Variants in GALR1 observed in about 807,000 individuals in gnomAD.
The protein encoded by GALR1 is galanin receptor 1.
A neutral mutation model predicts 17.9 loss-of-function variants in GALR1; 11 were observed. The ratio of observed to expected loss-of-function variants is 0.62; its 90% CI spans 0.39 to 1.02. The LOEUF is 1.02. Ranked by LOEUF, GALR1 falls within the 50% of genes least tolerant of loss-of-function variation. GALR1 has a pLI of 0.01. For synonymous variants in GALR1, 206 were observed against 205.7 expected (o/e 1.00, Z -0.01); for missense variants, 441 against 456.9 (o/e 0.97, Z 0.32).
Position 77,274,336 on chromosome 18 carries a change from C to G in GALR1, c.*5434C>G, listed in dbSNP as rs1913115915. The G allele has an allele frequency of 6.6e-6, 1 of 152,212 alleles. No homozygotes were observed. Among genetic ancestry groups the G allele is most frequent in the Non-Finnish European group, 1.5e-5 (1 of 68,148 alleles). 9.4% of individuals were successfully genotyped at this position (152,212 alleles called of 1,614,324 possible). ...TCAAAGTAGGCAGACATCCAAAAGC[C>G]AAGTGAAGGGCAGATAGATCCCCAG... On this transcript the variant is annotated 3_prime_UTR_variant, in exon 3 of 3. Coordinates refer to ENST00000299727, the MANE Select transcript of GALR1 (RefSeq NM_001480.4).
chr18:77,268,553 C>CTCT lies in GALR1; in HGVS notation c.733-30_733-29insTTC, dbSNP rs754548414. ...TCTTCTCCCTTACCGCCTCCTCCTCCTCCTCCTCCTCCTCCTCTTCTTCTT... is the reference window on the plus strand; with the variant it reads ...TCTTCTCCCTTACCGCCTCCTCCTCCTCTTCCTCCTCCTCCTCCTCTTCTTCTT... On this transcript the variant is annotated intron_variant, in intron 2 of 2. Transcript: ENST00000299727. The CTCT allele has an allele frequency of 5.2e-6, 8 of 1,529,398 alleles. No homozygotes were observed. The South Asian group carries it at 9.4e-5, about 18-fold the overall frequency. The allele number at this position is 1,529,398 out of a possible 1,614,324, so 94.7% of individuals were successfully genotyped here. A position where few individuals can be genotyped will look rare whatever the true frequency, so the allele number is the denominator to read the frequency against.
intron 2 of GALR1, among the ~76,000 whole-genome samples, chr18:77,260,383 C>T (rs746119991): frequency 2.0e-5 from 3 of 151,978 alleles, no homozygotes; most frequent in African/African-American, 2.4e-5. Context: ...GGGCACTAGT[C>T]TCTGTGTCCT....
chr18:77,259,883 T>G (rs1216982639), intron 2 of GALR1, among the ~76,000 whole-genome samples: 1 of 151,838 alleles, frequency 6.6e-6, no homozygotes, highest in Non-Finnish European at 1.5e-5. Context: ...AAAGCAAGAA[T>G]ACATGGCAAC....
rs1190085504 is a variant in GALR1, at chr18:77,256,297, C to T, written c.732+74C>T. The T allele has an allele frequency of 4.8e-6, 4 of 830,820 alleles. No individual in the cohort carries two copies. The African/African-American group carries it at 6.8e-5, about 14-fold the overall frequency. The allele number at this position is 830,820 out of a possible 1,614,324, so 51.5% of individuals were successfully genotyped here. A position where few individuals can be genotyped will look rare whatever the true frequency, so the allele number is the denominator to read the frequency against. ...TACCTTTGTTTTTTTTACTTGTCCT[C>T]ACGTCCATCCAAAGCCTGTAACATT... is the stretch of plus-strand genomic sequence containing the variant. On this transcript the variant is annotated intron_variant, in intron 2 of 2. Coordinates refer to ENST00000299727, the MANE Select transcript of GALR1 (RefSeq NM_001480.4).
chr18:77,268,873 C>A lies in GALR1; in HGVS notation c.1021C>A (p.Pro341Thr), dbSNP rs113010483. The change falls in exon 3 of 3, where the codon CCA becomes ACA. Residue 341 changes from proline (P) to threonine (T), a missense_variant. By Grantham distance (38) the Pro-to-Thr change is conservative. Transcript: ENST00000299727. The stretch of plus-strand genomic sequence containing the variant: ...AGAAAGTAAAAGTCGAATAGACACC[C>A]CACCATCAACCAATTGTACTCATGT... Reference protein sequence around the residue: ...TKESKSRIDTPPSTNCTHV With the variant: ...TKESKSRIDTTPSTNCTHV 3 of 1,612,334 alleles carry A rather than the reference C, an allele frequency of 1.9e-6. No individual in the cohort carries two copies. Among genetic ancestry groups the A allele is most frequent in the African/African-American group, 2.7e-5 (2 of 74,872 alleles).
chr18:77,251,280 C>T, intron 1 of GALR1, 66 bp downstream of exon 1: 2 of 1,530,980 alleles, frequency 1.3e-6, no homozygotes, highest in Admixed American at 2.0e-5. Flanking sequence ...GCCCTGGGGT[C>T]TCAGTGTCCC....
chr18:77,271,262 C>T lies in GALR1; in HGVS notation c.*2360C>T, dbSNP rs903322251. On this transcript the variant is annotated 3_prime_UTR_variant, in exon 3 of 3. Transcript: ENST00000299727. The stretch of plus-strand genomic sequence containing the variant: ...GCGCTTGAAACCCCCCCCCCCCCGC[C>T]ACTTTGCTAAATGTAAATGCTAATT... 3.7e-4 allele frequency: 51 copies of T among 139,502 alleles called. No homozygotes were observed. The highest frequency in any genetic ancestry group is 1.4e-3 in the African/African-American group (51 of 36,692). The allele number at this position is 139,502 out of a possible 1,614,324, so 8.6% of individuals were successfully genotyped here.
At chr18:77,266,891 T>G (rs934260713) in intron 2 of GALR1, among the ~76,000 whole-genome samples, 51 of 152,258 alleles carry the variant, frequency 3.3e-4, no homozygotes, top group African/African-American at 1.2e-3. Context: ...GAGAGCTGGG[T>G]GGGGTCACAG....
chr18:77,252,926 C>CCACCAT (rs1912477012), intron 1 of GALR1, among the ~76,000 whole-genome samples: 9 of 46,000 alleles, frequency 2.0e-4, no homozygotes, highest in African/African-American at 3.7e-4. Context: ...ACCACCATCA[C>CCACCAT]CACCACCACC....
intron 2 of GALR1, among the ~76,000 whole-genome samples, chr18:77,264,620 A>G (rs1010368646): frequency 6.6e-6 from 1 of 152,154 alleles, no homozygotes; most frequent in African/African-American, 2.4e-5. Flanking sequence ...TTGCACTGCT[A>G]ATAAAGACAT....
At position 77,250,382 on chromosome 18, in the gene GALR1, C is replaced by G. The variant is rs1454447326; in HGVS notation, c.-167C>G. Among the ~76,000 whole-genome samples the G allele has an allele frequency of 6.6e-6, 1 of 152,182 alleles. No homozygotes were observed. Among genetic ancestry groups the G allele is most frequent in the Non-Finnish European group, 1.5e-5 (1 of 68,026 alleles). On this transcript the variant is annotated 5_prime_UTR_variant, in exon 1 of 3. Coordinates refer to ENST00000299727, the MANE Select transcript of GALR1 (RefSeq NM_001480.4). The stretch of plus-strand genomic sequence containing the variant: ...GGCGCAAAGACGGTGCCACCAGGCA[C>G]GGCCACCGGATCCCCGCTCCCGCTG...
rs927531603 is a variant in GALR1, at chr18:77,274,563, T to C, written c.*5661T>C. 1.3e-5 allele frequency: 2 copies of C among 152,252 alleles called. No individual in the cohort carries two copies. Among genetic ancestry groups the C allele is most frequent in the East Asian group, 1.9e-4 (1 of 5,192 alleles). 9.4% of individuals were successfully genotyped at this position (152,252 alleles called of 1,614,324 possible). A position where few individuals can be genotyped will look rare whatever the true frequency, so the allele number is the denominator to read the frequency against. On this transcript the variant is annotated 3_prime_UTR_variant, in exon 3 of 3. Transcript: ENST00000299727. ...AGGAATCGCAGAGCATCATTTCTGA[T>C]TGGTTCTTAGAGCCTGCATCTTGTA...
rs910529067 is a variant in GALR1, at chr18:77,271,466, C to G, written c.*2564C>G. 5.3e-5 allele frequency: 8 copies of G among 152,094 alleles called. No individual in the cohort carries two copies. Among genetic ancestry groups the G allele is most frequent in the African/African-American group, 1.7e-4 (7 of 41,410 alleles). The allele number at this position is 152,094 out of a possible 1,614,324, so 9.4% of individuals were successfully genotyped here. On this transcript the variant is annotated 3_prime_UTR_variant, in exon 3 of 3. Transcript: ENST00000299727. The stretch of plus-strand genomic sequence containing the variant: ...CTGAATAAAGAGTTTCAGAAGAACT[C>G]GTAAACAGAATGAAATTAACCAGAG...
Position 77,250,502 on chromosome 18 carries a change from C to G in GALR1, c.-47C>G. On this transcript the variant is annotated 5_prime_UTR_variant, in exon 1 of 3. Transcript: ENST00000299727. ...CACCCCCGGCGCCTACTATCCCGCC[C>G]TCCCTCCCCGCGCGCCCCGCCGCTC... 7.0e-7 allele frequency: 1 copy of G among 1,426,088 alleles called. No homozygotes were observed. The allele number at this position is 1,426,088 out of a possible 1,614,324, so 88.3% of individuals were successfully genotyped here.
At position 77,250,526 on chromosome 18, in the gene GALR1, T is replaced by C; in HGVS notation, c.-23T>C. ...CCTCCCTCCCCGCGCGCCCCGCCGC[T>C]CGCCGGGACAGCCCCGCGGGCCATG... is the stretch of plus-strand genomic sequence containing the variant. On this transcript the variant is annotated 5_prime_UTR_variant, in exon 1 of 3. Transcript: ENST00000299727. 1.4e-6 allele frequency: 2 copies of C among 1,430,838 alleles called. No homozygotes were observed. Among genetic ancestry groups the C allele is most frequent in the Non-Finnish European group, 1.8e-6 (2 of 1,103,308 alleles). The allele number at this position is 1,430,838 out of a possible 1,614,324, so 88.6% of individuals were successfully genotyped here.
chr18:77,258,143 C>G (rs1023943351), intron 2 of GALR1, among the ~76,000 whole-genome samples: 2 of 152,002 alleles, frequency 1.3e-5, no homozygotes, highest in African/African-American at 4.8e-5. Context: ...ACCTAAAGAT[C>G]AGTGATTAGT....
chr18:77,260,986 A>G (rs1201971719), intron 2 of GALR1, among the ~76,000 whole-genome samples: 1 of 112,772 alleles, frequency 8.9e-6, no homozygotes, highest in East Asian at 2.6e-4. Context: ...GATGTCATTT[A>G]TACAATTTGT....
rs1181008952 is a variant in GALR1, at chr18:77,273,105, C to CT, written c.*4206dup. 3 of 152,036 alleles carry CT rather than the reference C, an allele frequency of 2.0e-5. No homozygotes were observed. The highest frequency in any genetic ancestry group is 4.8e-5 in the African/African-American group (2 of 41,390). 9.4% of individuals were successfully genotyped at this position (152,036 alleles called of 1,614,324 possible). A position where few individuals can be genotyped will look rare whatever the true frequency, so the allele number is the denominator to read the frequency against. ...GGTTCACTCACATTCATGTTTTTGA[C>CT]TTTAGCTGCCATCCTGGGGTTCTGA... On this transcript the variant is annotated 3_prime_UTR_variant, in exon 3 of 3. Transcript: ENST00000299727.
At chr18:77,262,664 T>C (rs1456849327) in intron 2 of GALR1, among the ~76,000 whole-genome samples, 1 of 151,960 alleles carries the variant, frequency 6.6e-6, no homozygotes. Flanking sequence ...AACAAGAAAA[T>C]AGTAATCCCC....
Sources: allele counts gnomAD v4.1 joint callset (sites outside exome capture counted in the v4.1 genomes callset), GRCh38; gene constraint gnomAD v4.1.1; transcripts MANE v1.5; gene names NCBI Gene and HGNC (gene_info 2026-07-23, HGNC 2026-07-21).